SALL4: variants seen among roughly 807,000 people sequenced by gnomAD.
SALL4 encodes sal-like protein 4.
Under a neutral mutation model 60.8 loss-of-function variants are expected in SALL4, and 4 were observed. The ratio of observed to expected loss-of-function variants is 0.07; its 90% confidence interval spans 0.03 to 0.15. The LOEUF (loss-of-function observed/expected upper bound fraction) is 0.15, where lower values mean the gene tolerates loss of function less well. Ranked by LOEUF, SALL4 falls within the 10% of genes least tolerant of loss-of-function variation. The probability of loss-of-function intolerance (pLI) is 1.00; values close to 1 mark genes in which losing one functional copy is unlikely to be tolerated. For synonymous variants in SALL4, 580 were observed against 574.9 expected, an observed-to-expected ratio of 1.01 and a Z score of -0.13; for missense variants, 1,178 against 1,394.7, an observed-to-expected ratio of 0.84 and a Z score of 2.48.
At chr20:51,796,196 C>CAAAAAAA (rs11474910) in intron 1 of SALL4, among the ~76,000 whole-genome samples, 4 of 90,560 alleles carry the variant, frequency 4.4e-5, no homozygotes, top group Admixed American at 1.3e-4. Context: ...AAGACTGTCT[C>CAAAAAAA]AAAAAAAAAA....
chr20:51,789,779 AAACC>A (rs2078020999), intron 2 of SALL4, among the ~76,000 whole-genome samples: 3 of 152,176 alleles, frequency 2.0e-5, no homozygotes, highest in African/African-American at 7.2e-5. Context: ...ACAAAAATAA[AAACC>A]AACAAAAAAG....
intron 1 of SALL4, among the ~76,000 whole-genome samples, chr20:51,798,358 G>T (rs1379863397): frequency 6.7e-6 from 1 of 150,048 alleles, no homozygotes; most frequent in Admixed American, 6.7e-5. Context: ...CCCAACTAGA[G>T]ATCAGGCAAG....
intron 2 of SALL4, among the ~76,000 whole-genome samples, chr20:51,789,611 G>C (rs892362195): frequency 6.6e-6 from 1 of 152,046 alleles, no homozygotes; most frequent in African/African-American, 2.4e-5. Context: ...CAGAGTCAGG[G>C]AACCACGGCT....
chr20:51,791,638 T>G lies in SALL4; in HGVS notation c.845A>C (p.Gln282Pro). ...TTTCAAGGCATCCAGAGACAGACCT[T>G]GGCTTCCAGCTTTCTGGCTGAGCAA... ...VALLSQKAGS[Q>P]GLSLDALKQA... The change falls in exon 2 of 4, where the codon CAA becomes CCA. Residue 282 changes from glutamine to proline, a missense_variant. By Grantham distance (76) the Gln-to-Pro change is moderately conservative (BLOSUM62 -1). Around this residue, in one of 5 missense-constraint regions of SALL4, gnomAD observed 853 missense variants for 1,036.8 expected, o/e 0.82. Transcript: ENST00000217086. The surrounding 1 kb of genome is among the most constrained non-coding windows in gnomAD (Gnocchi z 4.6). The G allele has an allele frequency of 6.2e-7, 1 of 1,614,046 alleles. No homozygotes were observed. Among genetic ancestry groups the G allele is most frequent in the Non-Finnish European group, 8.5e-7 (1 of 1,180,046 alleles).
At position 51,789,130 on chromosome 20, in the gene SALL4, G is replaced by A. The variant is rs757391872; in HGVS notation, c.2473C>T (p.Leu825Phe). Residue 825 changes from leucine to phenylalanine, a missense_variant, in exon 3 of 4, where the codon CTC becomes TTC. Physicochemically the swap from Leu to Phe is conservative, Grantham distance 22 (BLOSUM62 0). Around this residue, in one of 5 missense-constraint regions of SALL4, gnomAD observed 853 missense variants for 1,036.8 expected, o/e 0.82. Coordinates refer to ENST00000217086, the MANE Select transcript of SALL4 (RefSeq NM_020436.5). ...GGGGCTCGGATAAACGTGGAAGGGA[G>A]ACTGCTCCGACCTAGTACACAGAGG... is the stretch of plus-strand genomic sequence containing the variant. Reference protein sequence around the residue: ...SRTEMEGRSSLPSTFIRAPPT... With the variant: ...SRTEMEGRSSFPSTFIRAPPT... 7 of 1,614,030 alleles carry A rather than the reference G, an allele frequency of 4.3e-6. No homozygotes were observed. Among genetic ancestry groups the A allele is most frequent in the Admixed American group, 1.7e-5 (1 of 60,002 alleles).
At chr20:51,798,300 C>T (rs915844179) in intron 1 of SALL4, among the ~76,000 whole-genome samples, 1 of 152,114 alleles carries the variant, frequency 6.6e-6, no homozygotes, top group Non-Finnish European at 1.5e-5. Context: ...GGCGCTAAGG[C>T]GTGTGACTTC....
At position 51,789,078 on chromosome 20, in the gene SALL4, G is replaced by A. The variant is rs367912172; in HGVS notation, c.2525C>T (p.Pro842Leu). 2.5e-6 allele frequency: 4 copies of A among 1,614,094 alleles called. No homozygotes were observed. The change falls in exon 3 of 4, where the codon CCT becomes CTT. Residue 842 changes from proline (P) to leucine (L), a missense_variant. By Grantham distance (98) the Pro-to-Leu change is moderately conservative. Transcript: ENST00000217086. ...APPTYVKVEV[P>L]GTFVGPSTLS... is the part of the protein sequence containing the mutation. ...TGTCGAGGGTCCCACAAATGTGCCA[G>A]GAACTTCAACCTTGACATAGGTCGG...
At position 51,789,997 on chromosome 20, in the gene SALL4, T is replaced by C. The variant is rs370094424; in HGVS notation, c.2461+25A>G. ...GATGACCTTGAGCCCAAAATGGACA[T>C]AAGTTAAATCCAAAGCTCTATCACC... On this transcript the variant is annotated intron_variant, in intron 2 of 3. Transcript: ENST00000217086. The C allele has an allele frequency of 2.5e-6, 4 of 1,614,004 alleles. No homozygotes were observed. The African/African-American group carries it at 4.0e-5, about 16-fold the overall frequency.
chr20:51,801,588 G>T lies in SALL4; in HGVS notation c.130+691C>A, dbSNP rs2078110104. ...AGGGCGAAGATCGGCAGGCGGCGCA[G>T]CCCGGGCAGAAAAGGCGAAATCCAG... On this transcript the variant is annotated intron_variant, in intron 1 of 3. Transcript: ENST00000217086. The surrounding 1 kb of genome is among the most constrained non-coding windows in gnomAD (Gnocchi z 5.2). 1 of 152,594 alleles carries T rather than the reference G, an allele frequency of 6.6e-6. No individual in the cohort carries two copies. The highest frequency in any genetic ancestry group is 2.1e-4 in the South Asian group (1 of 4,846). 9.5% of individuals were successfully genotyped at this position (152,594 alleles called of 1,614,324 possible). A position where few individuals can be genotyped will look rare whatever the true frequency, so the allele number is the denominator to read the frequency against.
intron 3 of SALL4, among the ~76,000 whole-genome samples, chr20:51,787,376 A>G (rs997509383): frequency 6.6e-6 from 1 of 152,154 alleles, no homozygotes. Context: ...ATGAGCCGAG[A>G]TTGCACCGTT....
intron 3 of SALL4, among the ~76,000 whole-genome samples, chr20:51,787,480 A>G (rs1027232747): frequency 6.6e-6 from 1 of 152,180 alleles, no homozygotes; most frequent in Non-Finnish European, 1.5e-5. Flanking sequence ...TAATTGCTAC[A>G]GAGAAAAATG....
At position 51,788,059 on chromosome 20, in the gene SALL4, A is replaced by C. The variant is rs2078005063; in HGVS notation, c.2742+802T>G. Among the ~76,000 whole-genome samples, 1 of 149,300 alleles carries C rather than the reference A, an allele frequency of 6.7e-6. No individual in the cohort carries two copies. Among genetic ancestry groups the C allele is most frequent in the Non-Finnish European group, 1.5e-5 (1 of 67,236 alleles). ...GGCTGGTCTCAAACTCCTGGGCTCA[A>C]GCAATCCACCTGCCTTGGCCTCTCA... On this transcript the variant is annotated intron_variant, in intron 3 of 3. Transcript: ENST00000217086. This position sits in a 1 kb window ranked among gnomAD's most constrained non-coding sequence, Gnocchi z 4.1.
intron 2 of SALL4, 113 bp downstream of exon 2, chr20:51,789,909 C>CT: frequency 7.6e-7 from 1 of 1,307,322 alleles, no homozygotes; most frequent in Non-Finnish European, 1.1e-6. Context: ...GCTAATTGCC[C>CT]TATAGAAGGG....
rs745841508 is a variant in SALL4 at position 51,790,571 on chromosome 20, C to A, written c.1912G>T (p.Ala638Ser). The A allele has an allele frequency of 6.2e-7, 1 of 1,614,150 alleles. No individual in the cohort carries two copies. Among genetic ancestry groups the A allele is most frequent in the Non-Finnish European group, 8.5e-7 (1 of 1,180,026 alleles). The change falls in exon 2 of 4, where the codon GCC becomes TCC. Residue 638 changes from alanine (A) to serine (S), a missense_variant. Physicochemically the swap from Ala to Ser is moderately conservative, Grantham distance 99. This residue lies in a region of SALL4 where 853 missense variants were observed against 1,036.8 expected (regional missense o/e 0.82). Coordinates refer to ENST00000217086, the MANE Select transcript of SALL4 (RefSeq NM_020436.5). The surrounding 1 kb of genome is among the most constrained non-coding windows in gnomAD (Gnocchi z 5.5). Reference sequence around the variant, plus strand: ...CGAATATGTTGCTGCAGCATCACGGCATTAGTGAACTTCTTCTGGCAGATG... The same window carrying A: ...CGAATATGTTGCTGCAGCATCACGGAATTAGTGAACTTCTTCTGGCAGATG... ...CPICQKKFTN[A>S]VMLQQHIRMH...
In SALL4 at chr20:51,790,013, C is replaced by G. The variant is rs756917228; in HGVS notation, c.2461+9G>C. ...AAATGGACATAAGTTAAATCCAAAG[C>G]TCTATCACCTTCCATCTCAGTGCGG... On this transcript the variant is annotated intron_variant, in intron 2 of 3. Transcript: ENST00000217086. This position sits in a 1 kb window ranked among gnomAD's most constrained non-coding sequence, Gnocchi z 5.5. 1.9e-6 allele frequency: 3 copies of G among 1,614,156 alleles called. No homozygotes were observed. In the South Asian group the frequency reaches 3.3e-5, roughly 18 times the overall value.
At chr20:51,792,468 C>T in intron 1 of SALL4, 116 bp from the exon 2 acceptor site, 3 of 1,293,398 alleles carry the variant, frequency 2.3e-6, no homozygotes, top group Non-Finnish European at 3.3e-6. Flanking sequence ...GTGGGCAGAT[C>T]ACCTGAGGTT....
At chr20:51,798,766 C>A (rs979001874) in intron 1 of SALL4, among the ~76,000 whole-genome samples, 1 of 152,056 alleles carries the variant, frequency 6.6e-6, no homozygotes, top group Non-Finnish European at 1.5e-5. Context: ...GCACCAATCA[C>A]GGCTCCCTTG....
rs1161233575 is a variant in SALL4, at chr20:51,792,297, T to C, written c.186A>G (p.Thr62=). The C allele has an allele frequency of 1.2e-6, 2 of 1,609,730 alleles. No homozygotes were observed. The highest frequency in any genetic ancestry group is 3.3e-5 in the Admixed American group (2 of 59,986). Residue 62 remains threonine (T), a synonymous_variant, in exon 2 of 4, where the codon ACA becomes ACG. Transcript: ENST00000217086. ...TCTCCTCCCGACGAAGCCGCTTTAC[T>C]GTGGCTTCATCCTCACTCGCCACCT... The part of the protein sequence containing the change: ...NDEVASEDEA[T]VKRLRREETH...
At position 51,794,640 on chromosome 20, in the gene SALL4, T is replaced by G. The variant is rs114685523; in HGVS notation, c.131-2288A>C. The stretch of plus-strand genomic sequence containing the variant: ...TGTCACTCGTGCAACATAACAAAAG[T>G]TATTGACAGATAACTTTTGAGCACT... On this transcript the variant is annotated intron_variant, in intron 1 of 3. Transcript: ENST00000217086. Among the ~76,000 whole-genome samples, 300 of 152,134 alleles carry G rather than the reference T, an allele frequency of 2.0e-3. 2 individuals carry two copies. The highest frequency in any genetic ancestry group is 6.6e-3 in the African/African-American group (273 of 41,494).
Sources: gnomAD v4.1 joint callset for allele counts (sites outside exome capture counted in the v4.1 genomes callset) on GRCh38, gnomAD v4.1.1 for gene constraint, gnomAD v4.1.1 regional missense constraint, Gnocchi (gnomAD v3.1) non-coding constraint, MANE v1.5 for transcripts, NCBI Gene and HGNC (gene_info 2026-07-23, HGNC 2026-07-21) for gene names.